LTBP2: variants seen among roughly 807,000 people sequenced by gnomAD.
LTBP2 encodes the protein latent transforming growth factor beta binding protein 2.
LTBP2 carries 103 observed loss-of-function variants against 210.6 expected under a neutral mutation model. That is an observed-to-expected ratio of 0.49 (90% CI 0.42 to 0.58). The LOEUF is 0.58. Ranked by LOEUF, LTBP2 falls within the 20% of genes least tolerant of loss-of-function variation. The pLI, the probability that LTBP2 is intolerant of heterozygous loss-of-function variation, is 0.00. For missense variants in LTBP2, 2,313 were observed against 2,494.5 expected (o/e 0.93, Z 1.55); for synonymous variants, 1,007 against 1,015.0 (o/e 0.99, Z 0.15).
intron 2 of LTBP2, among the ~76,000 whole-genome samples, chr14:74,602,636 C>T (rs981265473): frequency 6.6e-6 from 1 of 152,258 alleles, no homozygotes; most frequent in African/African-American, 2.4e-5. Flanking sequence ...GCACCCTGCA[C>T]AAAGTGAGTG....
chr14:74,525,195 T>C lies in LTBP2; in HGVS notation c.2459A>G (p.Gln820Arg), dbSNP rs2087256445. ...TTCTTCCTGTATCTCTGCAATCCCC[T>C]GTTCAGGCATTGGTGGGGTTGTGGC... ...GNATTPPMPE[Q>R]GIAEIQEEQV... Residue 820 changes from glutamine to arginine, a missense_variant, in exon 15 of 36, where the codon CAG (glutamine) becomes CGG (arginine). Physicochemically the swap from Gln to Arg is conservative, Grantham distance 43 (BLOSUM62 1). Around this residue, in one of 3 missense-constraint regions of LTBP2, gnomAD observed 1,867 missense variants for 1,976.9 expected, o/e 0.94. Coordinates refer to ENST00000261978, the MANE Select transcript of LTBP2 (RefSeq NM_000428.3). 1 of 1,331,308 alleles carries C rather than the reference T, an allele frequency of 7.5e-7. No homozygotes were observed. Among genetic ancestry groups the C allele is most frequent in the Non-Finnish European group, 9.7e-7 (1 of 1,031,382 alleles). The allele number at this position is 1,331,308 out of a possible 1,614,324, so 82.5% of individuals were successfully genotyped here.
At chr14:74,558,262 G>A (rs969622899) in intron 3 of LTBP2, among the ~76,000 whole-genome samples, 1 of 152,200 alleles carries the variant, frequency 6.6e-6, no homozygotes, top group African/African-American at 2.4e-5. Flanking sequence ...GGGCTTGGTG[G>A]CACATGCCTG....
chr14:74,535,331 G>A (rs1188230091), intron 9 of LTBP2, among the ~76,000 whole-genome samples: 3 of 152,132 alleles, frequency 2.0e-5, no homozygotes, highest in Non-Finnish European at 4.4e-5. Flanking sequence ...AAACCATACA[G>A]ACAACTGTTT....
At position 74,535,904 on chromosome 14, in the gene LTBP2, G is replaced by T. The variant is rs3742794; in HGVS notation, c.1864+22C>A. 0.22 allele frequency: 357,882 copies of T among 1,609,492 alleles called. 41,289 individuals are homozygous for T. The highest frequency in any genetic ancestry group is 0.33 in the African/African-American group (24,630 of 74,890). ...GTGTGCCCCGGCATCCTTGAGCCCAGCCCTGGCCCTGGGGGTCCTACCTTG... is the reference window on the plus strand; with the variant it reads ...GTGTGCCCCGGCATCCTTGAGCCCATCCCTGGCCCTGGGGGTCCTACCTTG... On this transcript the variant is annotated intron_variant, in intron 9 of 35. Coordinates refer to ENST00000261978, the MANE Select transcript of LTBP2 (RefSeq NM_000428.3).
chr14:74,505,207 C>T (rs779229908), intron 28 of LTBP2, 33 bp from the exon 29 acceptor site: 2 of 1,607,086 alleles, frequency 1.2e-6, no homozygotes, highest in East Asian at 4.5e-5. Context: ...ACTGTCTGTT[C>T]ATGACCCTCT....
intron 3 of LTBP2, among the ~76,000 whole-genome samples, chr14:74,556,020 C>T (rs543510938): frequency 9.2e-5 from 14 of 152,204 alleles, no homozygotes; most frequent in Admixed American, 6.5e-5. Flanking sequence ...TCACGTAGCT[C>T]TGACATTCCA....
rs555984666 is a variant in LTBP2 at position 74,603,487 on chromosome 14, G to A, written c.565+148C>T. The A allele has an allele frequency of 4.1e-4, 326 of 789,380 alleles. 2 individuals are homozygous for A. Among genetic ancestry groups the A allele is most frequent in the Admixed American group, 6.1e-4 (31 of 50,480 alleles). 48.9% of individuals were successfully genotyped at this position (789,380 alleles called of 1,614,324 possible). A position where few individuals can be genotyped will look rare whatever the true frequency, so the allele number is the denominator to read the frequency against. ...TTGGATGTTGCCTCCACTTTAAATA[G>A]GGGCTGCATCTTCAGGACGCAGACT... On this transcript the variant is annotated intron_variant, in intron 2 of 35. Transcript: ENST00000261978.
At chr14:74,555,358 T>C (rs2087715108) in intron 4 of LTBP2, 145 bp downstream of exon 4, 4 of 878,294 alleles carry the variant, frequency 4.6e-6, no homozygotes, top group Non-Finnish European at 7.2e-6. Flanking sequence ...AAGCAGGTGC[T>C]CAACAAGCGT....
chr14:74,539,800 G>A (rs772742182), intron 8 of LTBP2, among the ~76,000 whole-genome samples: 1 of 152,242 alleles, frequency 6.6e-6, no homozygotes, highest in African/African-American at 2.4e-5. Context: ...AGAGCAGGAA[G>A]CAAGAGTGGA....
chr14:74,530,043 G>A (rs1005829818), intron 10 of LTBP2, among the ~76,000 whole-genome samples: 3 of 152,188 alleles, frequency 2.0e-5, no homozygotes, highest in East Asian at 1.9e-4. Flanking sequence ...GCTTCTTCAC[G>A]TGTAAAATGA....
chr14:74,506,282 G>C, intron 27 of LTBP2, 91 bp from the exon 28 acceptor site: 2 of 1,555,530 alleles, frequency 1.3e-6, no homozygotes, highest in South Asian at 1.1e-5. Flanking sequence ...AAAAGAAGCA[G>C]GCTAGGCCTT....
At chr14:74,553,820 G>T (rs1218959229) in intron 4 of LTBP2, among the ~76,000 whole-genome samples, 2 of 152,048 alleles carry the variant, frequency 1.3e-5, no homozygotes, top group African/African-American at 4.8e-5. Flanking sequence ...GAGGCAGAAG[G>T]TTGAGGGAGA....
intron 9 of LTBP2, among the ~76,000 whole-genome samples, chr14:74,534,176 G>A (rs2087389111): frequency 1.3e-5 from 2 of 152,160 alleles, no homozygotes; most frequent in Non-Finnish European, 1.5e-5. Context: ...AGTGGGATGT[G>A]GGCCTCCATA....
In LTBP2 at chr14:74,526,102, C is replaced by G. The variant is rs754533362; in HGVS notation, c.2401G>C (p.Val801Leu). The change falls in exon 14 of 36, where the codon GTC becomes CTC. Residue 801 changes from valine to leucine, a missense_variant. Transcript: ENST00000261978. ...DSQAGQVTTS[V>L]THAPAWVTGN... is the part of the protein sequence containing the mutation. ...GTGACCCAGGCAGGTGCATGAGTGA[C>G]ACTGGTCGTGACCTGCACAGAAACA... is the stretch of plus-strand genomic sequence containing the variant. The G allele has an allele frequency of 8.1e-6, 13 of 1,603,952 alleles. No individual in the cohort carries two copies. In the African/African-American group the frequency reaches 1.6e-4, roughly 20 times the overall value.
rs980437517 is a variant in LTBP2 at position 74,499,371 on chromosome 14, G to T, written c.*1513C>A. ...ACCTGTAAATTGAGAATAAACAATA[G>T]TAAGTAGGATTATTGGATAATTAAA... On this transcript the variant is annotated 3_prime_UTR_variant, in exon 36 of 36. Transcript: ENST00000261978. The T allele has an allele frequency of 4.5e-6, 1 of 223,030 alleles. No individual in the cohort carries two copies. Among genetic ancestry groups the T allele is most frequent in the Non-Finnish European group, 9.0e-6 (1 of 111,424 alleles). 13.8% of individuals were successfully genotyped at this position (223,030 alleles called of 1,614,324 possible).
At chr14:74,528,790 AT>A in intron 11 of LTBP2, 92 bp from the exon 12 acceptor site, 2 of 1,538,836 alleles carry the variant, frequency 1.3e-6, no homozygotes, top group African/African-American at 1.4e-5. Flanking sequence ...AGACACGGCA[AT>A]TGTGGCAGCA....
chr14:74,564,187 TTATATATATATTTA>T (rs2087852138), intron 3 of LTBP2, among the ~76,000 whole-genome samples: 1 of 9,128 alleles, frequency 1.1e-4, no homozygotes, highest in African/African-American at 5.7e-4. Context: ...ATATATATAT[TTATATATATATTTA>T]TATATATTTA....
chr14:74,587,647 G>A (rs1256522061), intron 2 of LTBP2, among the ~76,000 whole-genome samples: 2 of 152,044 alleles, frequency 1.3e-5, no homozygotes, highest in African/African-American at 4.8e-5. Context: ...GGCAAGGTCA[G>A]TGAGGAAGAG....
chr14:74,556,544 T>A (rs868791523), intron 3 of LTBP2, among the ~76,000 whole-genome samples: 2 of 152,238 alleles, frequency 1.3e-5, no homozygotes, highest in Non-Finnish European at 2.9e-5. Context: ...GAGACCGAGT[T>A]TTGCTCTCGT....
Sources: gnomAD v4.1 joint callset for allele counts (sites outside exome capture counted in the v4.1 genomes callset) on GRCh38, gnomAD v4.1.1 for gene constraint, gnomAD v4.1.1 regional missense constraint, MANE v1.5 for transcripts, NCBI Gene and HGNC (gene_info 2026-07-23, HGNC 2026-07-21) for gene names.